Variants in SH3RF3 observed in about 807,000 individuals in gnomAD.
The protein encoded by SH3RF3 is SH3 domain containing ring finger 3.
Under a neutral mutation model 66.3 loss-of-function variants are expected in SH3RF3, and 29 were observed. The observed-to-expected ratio is 0.44, with a 90% confidence interval of 0.33 to 0.60. SH3RF3 has a LOEUF of 0.60. Among genes scored for constraint, SH3RF3 ranks in the 20% least tolerant of loss-of-function variants. The probability of loss-of-function intolerance (pLI) is 0.04; values close to 1 mark genes in which losing one functional copy is unlikely to be tolerated. For missense variants in SH3RF3, 1,194 were observed against 1,190.9 expected, an observed-to-expected ratio of 1.00 and a Z score of -0.04; for synonymous variants, 583 against 532.0, an observed-to-expected ratio of 1.10 and a Z score of -1.32.
At chr2:109,467,630 A>AT (rs1364048762) in intron 8 of SH3RF3, among the ~76,000 whole-genome samples, 27 of 152,230 alleles carry the variant, frequency 1.8e-4, no homozygotes, top group Non-Finnish European at 7.3e-5. Context: ...ACAGCACTTT[A>AT]TTTTTAAAAA....
At chr2:109,396,584 T>C (rs1251189469) in intron 3 of SH3RF3, among the ~76,000 whole-genome samples, 2 of 152,204 alleles carry the variant, frequency 1.3e-5, no homozygotes, top group Non-Finnish European at 2.9e-5. Context: ...TTTTAACTCA[T>C]CAAGGTGCTA....
intron 2 of SH3RF3, among the ~76,000 whole-genome samples, chr2:109,366,021 C>G (rs1481651852): frequency 1.3e-5 from 2 of 152,124 alleles, no homozygotes; most frequent in Non-Finnish European, 2.9e-5. Context: ...TAAGACAATT[C>G]TGTTATGAAA....
Position 109,375,280 on chromosome 2 carries a change from T to G in SH3RF3, c.945+3599T>G, listed in dbSNP as rs886340648. Among the ~76,000 whole-genome samples, 170 of 152,318 alleles carry G rather than the reference T, an allele frequency of 1.1e-3. 2 individuals are homozygous for G. The highest frequency in any genetic ancestry group is 8.5e-4 in the Non-Finnish European group (58 of 68,024). ...TGCCCTGGAACCTGCCTCCTTGTCC[T>G]TTTCGCCCATCGTTTTGCAAAAGGA... On this transcript the variant is annotated intron_variant, in intron 3 of 9. Coordinates refer to ENST00000309415, the MANE Select transcript of SH3RF3 (RefSeq NM_001099289.3).
intron 1 of SH3RF3, among the ~76,000 whole-genome samples, chr2:109,346,484 G>A (rs62152238): frequency 6.6e-6 from 1 of 151,928 alleles, no homozygotes; most frequent in African/African-American, 2.4e-5. Flanking sequence ...GAAAATCGTT[G>A]GGTATTGACA....
At chr2:109,470,321 C>A (rs1044126951) in intron 8 of SH3RF3, among the ~76,000 whole-genome samples, 2 of 152,166 alleles carry the variant, frequency 1.3e-5, no homozygotes, top group African/African-American at 4.8e-5. Context: ...GCTTGCATTT[C>A]GGGTAGACTC....
At chr2:109,316,237 G>C (rs897284928) in intron 1 of SH3RF3, among the ~76,000 whole-genome samples, 1 of 152,214 alleles carries the variant, frequency 6.6e-6, no homozygotes, top group African/African-American at 2.4e-5. Flanking sequence ...TCTCGCAGCA[G>C]ATCTGCACAG....
intron 8 of SH3RF3, among the ~76,000 whole-genome samples, chr2:109,468,983 A>G (rs1281664594): frequency 6.7e-6 from 1 of 150,082 alleles, no homozygotes; most frequent in Non-Finnish European, 1.5e-5. Flanking sequence ...TACTAGATGC[A>G]TGTCAAGCTC....
intron 1 of SH3RF3, among the ~76,000 whole-genome samples, chr2:109,309,310 T>G (rs922529784): frequency 6.7e-6 from 1 of 149,070 alleles, no homozygotes. Flanking sequence ...CTTATCAGCT[T>G]AAGGAGATTT....
intron 4 of SH3RF3, among the ~76,000 whole-genome samples, chr2:109,405,420 C>T (rs1559066119): frequency 6.6e-6 from 1 of 152,198 alleles, no homozygotes; most frequent in Non-Finnish European, 1.5e-5. Context: ...GGGGAGCCTT[C>T]AGACTGGCCC....
intron 1 of SH3RF3, among the ~76,000 whole-genome samples, chr2:109,178,001 AC>A (rs778036633): frequency 2.6e-5 from 4 of 152,200 alleles, no homozygotes; most frequent in Non-Finnish European, 4.4e-5. Context: ...TTAGACCTAA[AC>A]AAAGGGCCTA....
chr2:109,232,273 A>G (rs1046144042), intron 1 of SH3RF3, among the ~76,000 whole-genome samples: 1 of 152,236 alleles, frequency 6.6e-6, no homozygotes, highest in Admixed American at 6.5e-5. Context: ...TTGCCAACAC[A>G]TACTATGAAC....
At chr2:109,219,300 T>C (rs949127822) in intron 1 of SH3RF3, among the ~76,000 whole-genome samples, 1 of 127,346 alleles carries the variant, frequency 7.9e-6, no homozygotes, top group Non-Finnish European at 1.6e-5. Context: ...CAAAACATTT[T>C]GTGTAATTAC....
intron 1 of SH3RF3, among the ~76,000 whole-genome samples, chr2:109,291,176 C>T (rs1468719517): frequency 6.6e-6 from 1 of 152,128 alleles, no homozygotes; most frequent in Non-Finnish European, 1.5e-5. Context: ...AGTGAGAGGG[C>T]ACCATCTCAC....
At chr2:109,474,486 C>T (rs1480031870) in intron 8 of SH3RF3, among the ~76,000 whole-genome samples, 2 of 152,190 alleles carry the variant, frequency 1.3e-5, no homozygotes, top group African/African-American at 4.8e-5. Flanking sequence ...GCCATGATCC[C>T]TGGGGACAGG....
chr2:109,369,001 TCC>T (rs1316494088), intron 2 of SH3RF3, among the ~76,000 whole-genome samples: 2 of 151,822 alleles, frequency 1.3e-5, no homozygotes, highest in African/African-American at 4.8e-5. Context: ...TGTGGGCGCC[TCC>T]CCCAAGCCAG....
At chr2:109,257,148 C>T (rs1163329779) in intron 1 of SH3RF3, among the ~76,000 whole-genome samples, 7 of 152,224 alleles carry the variant, frequency 4.6e-5, no homozygotes, top group Non-Finnish European at 1.0e-4. Context: ...CCGACATTCA[C>T]TCAGCATCCT....
At chr2:109,212,876 G>A (rs1193287753) in intron 1 of SH3RF3, among the ~76,000 whole-genome samples, 1 of 151,866 alleles carries the variant, frequency 6.6e-6, no homozygotes, top group Non-Finnish European at 1.5e-5. Context: ...GAACAAGGGT[G>A]GATCAGACAC....
chr2:109,408,643 A>G (rs747750866), intron 4 of SH3RF3, among the ~76,000 whole-genome samples: 2 of 152,350 alleles, frequency 1.3e-5, no homozygotes, highest in Admixed American at 1.3e-4. Context: ...AATGCCCCGC[A>G]CTGGCACTCT....
chr2:109,196,910 G>C (rs1399116561), intron 1 of SH3RF3, among the ~76,000 whole-genome samples: 1 of 152,190 alleles, frequency 6.6e-6, no homozygotes, highest in Non-Finnish European at 1.5e-5. Flanking sequence ...ATAGAGGCTG[G>C]CACTACTTGC....
Sources: allele counts gnomAD v4.1 joint callset (sites outside exome capture counted in the v4.1 genomes callset), GRCh38; gene constraint gnomAD v4.1.1; transcripts MANE v1.5; gene names NCBI Gene and HGNC (gene_info 2026-07-23, HGNC 2026-07-21).